The following ASIC1 variants were observed in gnomAD, a reference collection of about 807,000 sequenced individuals.
The protein encoded by ASIC1 is acid-sensing ion channel 1.
A neutral mutation model predicts 63.4 loss-of-function variants in ASIC1; 21 were observed. The ratio of observed to expected loss-of-function variants is 0.33; its 90% CI spans 0.23 to 0.48. The LOEUF (loss-of-function observed/expected upper bound fraction) is 0.48, where lower values mean the gene tolerates loss of function less well. ASIC1 is among the 20% of genes least tolerant of loss of function. The pLI, the probability that ASIC1 is intolerant of heterozygous loss-of-function variation, is 0.99. For synonymous variants in ASIC1, 258 were observed against 278.2 expected, an observed-to-expected ratio of 0.93 and a Z score of 0.72; for missense variants, 478 against 695.5, an observed-to-expected ratio of 0.69 and a Z score of 3.52.
chr12:50,067,647 G>A (rs1273623388), intron 3 of ASIC1, among the ~76,000 whole-genome samples: 1 of 152,114 alleles, frequency 6.6e-6, no homozygotes, highest in Non-Finnish European at 1.5e-5. Flanking sequence ...TTGAGCTCCC[G>A]ACCTCAGGTG....
At position 50,058,792 on chromosome 12, in the gene ASIC1, A is replaced by C; in HGVS notation, c.26A>C (p.Glu9Ala). The C allele has an allele frequency of 6.3e-7, 1 of 1,591,654 alleles. No individual in the cohort carries two copies. Among genetic ancestry groups the C allele is most frequent in the Non-Finnish European group, 8.6e-7 (1 of 1,165,474 alleles). Residue 9 changes from glutamate (E) to alanine (A), a missense_variant, in exon 2 of 12, where the codon GAG becomes GCG. By Grantham distance (107) the Glu-to-Ala change is moderately radical (BLOSUM62 -1). Around this residue, in one of 3 missense-constraint regions of ASIC1, gnomAD observed 290 missense variants for 414.9 expected, o/e 0.70. Transcript: ENST00000447966. MELKAEEE[E>A]VGGVQPVSIQ... is the part of the protein sequence containing the mutation. ...ATGGAACTGAAGGCCGAGGAGGAGG[A>C]GGTGGGTGGCGTCCAGCCGGTGAGC... is the stretch of plus-strand genomic sequence containing the variant.
At chr12:50,071,945 G>T (rs1054674041) in intron 3 of ASIC1, among the ~76,000 whole-genome samples, 1 of 152,114 alleles carries the variant, frequency 6.6e-6, no homozygotes, top group African/African-American at 2.4e-5. Flanking sequence ...GGCAGAAAGA[G>T]GAGGACAGTG....
intron 3 of ASIC1, among the ~76,000 whole-genome samples, chr12:50,075,281 C>A (rs1212984416): frequency 6.6e-6 from 1 of 152,184 alleles, no homozygotes; most frequent in Non-Finnish European, 1.5e-5. Context: ...CACTGGGCCT[C>A]AGGCCAGGAG....
At position 50,059,768 on chromosome 12, in the gene ASIC1, A is replaced by T; in HGVS notation, c.372A>T (p.Ile124=). 1 of 1,613,380 alleles carries T rather than the reference A, an allele frequency of 6.2e-7. No homozygotes were observed. Among genetic ancestry groups the T allele is most frequent in the Non-Finnish European group, 8.5e-7 (1 of 1,179,628 alleles). ...CACCCCCGGACCCCAGGTATGAGAT[A>T]CCAGACACACAGATGGCAGATGAAA... is the stretch of plus-strand genomic sequence containing the variant. The part of the protein sequence containing the change: ...LLALLNNRYE[I]PDTQMADEKQ... The change falls in exon 3 of 12, where the codon ATA becomes ATT. Residue 124 remains isoleucine, a synonymous_variant. Transcript: ENST00000447966. The surrounding 1 kb of genome is among the most constrained non-coding windows in gnomAD (Gnocchi z 4.6).
At chr12:50,065,162 G>T (rs1347760045) in intron 3 of ASIC1, among the ~76,000 whole-genome samples, 1 of 152,128 alleles carries the variant, frequency 6.6e-6, no homozygotes, top group Non-Finnish European at 1.5e-5. Flanking sequence ...CTTCCGCCTT[G>T]GCCAACCCCT....
At position 50,078,082 on chromosome 12, in the gene ASIC1, C is replaced by T. The variant is rs149923094; in HGVS notation, c.792C>T (p.Gly264=). ...EPPFIDQLGF[G]VAPGFQTFVA... is the part of the protein sequence containing the mutation. ...CTTTCATCGACCAGCTGGGCTTTGG[C>T]GTGGCCCCAGGCTTCCAGACCTTTG... is the stretch of plus-strand genomic sequence containing the variant. The change falls in exon 5 of 12, where the codon GGC becomes GGT. Residue 264 remains glycine, a synonymous_variant. Transcript: ENST00000447966. The surrounding 1 kb of genome is among the most constrained non-coding windows in gnomAD (Gnocchi z 6.0). The T allele has an allele frequency of 4.1e-4, 667 of 1,613,992 alleles. 10 individuals are homozygous for T. The East Asian group carries it at 0.014, about 33-fold the overall frequency.
intron 3 of ASIC1, among the ~76,000 whole-genome samples, chr12:50,064,162 T>G (rs1287408128): frequency 6.6e-6 from 1 of 152,096 alleles, no homozygotes; most frequent in African/African-American, 2.4e-5. Flanking sequence ...TTCATGGGGT[T>G]CATGAACTTT....
At position 50,059,830 on chromosome 12, in the gene ASIC1, G is replaced by A. The variant is rs756015565; in HGVS notation, c.434G>A (p.Arg145His). ...LEILQDKANFRSFKPKPFNMR... is the reference protein window; with the variant it reads ...LEILQDKANFHSFKPKPFNMR... ...ATACTGCAGGACAAAGCCAACTTCC[G>A]CAGCTTCAAACCCAAACCCTTCAAC... The change falls in exon 3 of 12, where the codon CGC becomes CAC. Residue 145 changes from arginine (R) to histidine (H), a missense_variant. Physicochemically the swap from Arg to His is conservative, Grantham distance 29. Around this residue, in one of 3 missense-constraint regions of ASIC1, gnomAD observed 290 missense variants for 414.9 expected, o/e 0.70. Transcript: ENST00000447966. The surrounding 1 kb of genome is among the most constrained non-coding windows in gnomAD (Gnocchi z 4.6). The A allele has an allele frequency of 1.4e-5, 22 of 1,614,028 alleles. No homozygotes were observed. The highest frequency in any genetic ancestry group is 1.6e-4 in the Middle Eastern group (1 of 6,084).
Position 50,059,945 on chromosome 12 carries a change from C to G in ASIC1, c.549C>G (p.Asp183Glu), listed in dbSNP as rs757432064. The change falls in exon 3 of 12, where the codon GAC (aspartate) becomes GAG (glutamate). Residue 183 changes from aspartate to glutamate, a missense_variant. By Grantham distance (45) the Asp-to-Glu change is conservative (BLOSUM62 2). Transcript: ENST00000447966. This position sits in a 1 kb window ranked among gnomAD's most constrained non-coding sequence, Gnocchi z 4.6. Reference protein sequence around the residue: ...HFRGEVCSAEDFKVVFTRYGK... With the variant: ...HFRGEVCSAEEFKVVFTRYGK... The stretch of plus-strand genomic sequence containing the variant: ...GGGGGGAGGTCTGCAGCGCTGAAGA[C>G]TTCAAGGTGGTGAGTCCCCTCGTGT... The G allele has an allele frequency of 6.2e-7, 1 of 1,613,776 alleles. No individual in the cohort carries two copies. Among genetic ancestry groups the G allele is most frequent in the Non-Finnish European group, 8.5e-7 (1 of 1,179,946 alleles).
intron 8 of ASIC1, 144 bp downstream of exon 8, chr12:50,080,199 G>C (rs892288947): frequency 8.3e-7 from 1 of 1,201,686 alleles, no homozygotes; most frequent in Non-Finnish European, 1.1e-6. Context: ...AAGAGTCTAG[G>C]GTGGGTATGC....
chr12:50,079,896 G>A lies in ASIC1; in HGVS notation c.1052-6G>A. 6.3e-7 allele frequency: 1 copy of A among 1,599,100 alleles called. No homozygotes were observed. The highest frequency in any genetic ancestry group is 8.5e-7 in the Non-Finnish European group (1 of 1,172,260). On this transcript the variant is annotated splice_polypyrimidine_tract_variant and splice_region_variant and intron_variant, in intron 7 of 11. Transcript: ENST00000447966. ...CAACTGAGACCTCTCACCTGGCTGA[G>A]TGCAGACTTCCTGGTGGAGAAGGAC...
intron 3 of ASIC1, among the ~76,000 whole-genome samples, chr12:50,076,432 A>C (rs1313399370): frequency 2.0e-5 from 3 of 150,958 alleles, no homozygotes. Context: ...GCACCACTGC[A>C]CTCCAGCCTG....
rs979873530 is a variant in ASIC1 at position 50,059,241 on chromosome 12, A to C, written c.362+113A>C. ...CCCAGCCAACCCTGCCCTTTAACCC[A>C]CCCCCACCCCCAAACCTGCCACTCA... On this transcript the variant is annotated intron_variant, in intron 2 of 11. Coordinates refer to ENST00000447966, the MANE Select transcript of ASIC1 (RefSeq NM_001095.4). This position sits in a 1 kb window ranked among gnomAD's most constrained non-coding sequence, Gnocchi z 4.6. 616 of 1,341,720 alleles carry C rather than the reference A, an allele frequency of 4.6e-4. No homozygotes were observed. The highest frequency in any genetic ancestry group is 1.6e-3 in the African/African-American group (89 of 57,286). 83.1% of individuals were successfully genotyped at this position (1,341,720 alleles called of 1,614,324 possible).
At chr12:50,067,959 T>C (rs1950562078) in intron 3 of ASIC1, among the ~76,000 whole-genome samples, 1 of 152,216 alleles carries the variant, frequency 6.6e-6, no homozygotes, top group Admixed American at 6.5e-5. Context: ...ATTTTGCATA[T>C]TGCATTGGTA....
intron 9 of ASIC1, 74 bp downstream of exon 9, chr12:50,080,663 G>C: frequency 1.2e-6 from 2 of 1,613,840 alleles, no homozygotes; most frequent in Non-Finnish European, 1.7e-6. Context: ...CAAAAGCAGG[G>C]TGCTCACTTC....
rs1046054874 is a variant in ASIC1, at chr12:50,074,929, C to G, written c.559-2284C>G. Among the ~76,000 whole-genome samples the G allele has an allele frequency of 4.0e-5, 6 of 150,546 alleles. No individual in the cohort carries two copies. Among genetic ancestry groups the G allele is most frequent in the Non-Finnish European group, 5.9e-5 (4 of 67,786 alleles). On this transcript the variant is annotated intron_variant, in intron 3 of 11. Coordinates refer to ENST00000447966, the MANE Select transcript of ASIC1 (RefSeq NM_001095.4). This position sits in a 1 kb window ranked among gnomAD's most constrained non-coding sequence, Gnocchi z 4.2. ...GTGTCTGAGGGTAAATAACAGGTCT[C>G]TAAATCATATCCCTCTCCCCAGCTT...
Position 50,059,666 on chromosome 12 carries a change from TC to T in ASIC1, c.363-89del. On this transcript the variant is annotated intron_variant, in intron 2 of 11. Transcript: ENST00000447966. This position sits in a 1 kb window ranked among gnomAD's most constrained non-coding sequence, Gnocchi z 4.6. ...CTTCCTTGCCTACACCTGGGACTGA[TC>T]CCCAGGGCTGGAGGCTGCCCCCATC... 7.6e-7 allele frequency: 1 copy of T among 1,315,398 alleles called. No individual in the cohort carries two copies. Among genetic ancestry groups the T allele is most frequent in the Non-Finnish European group, 1.1e-6 (1 of 949,806 alleles). The allele number at this position is 1,315,398 out of a possible 1,614,324, so 81.5% of individuals were successfully genotyped here.
intron 3 of ASIC1, among the ~76,000 whole-genome samples, chr12:50,067,621 G>T (rs1479124281): frequency 6.6e-6 from 1 of 152,156 alleles, no homozygotes; most frequent in African/African-American, 2.4e-5. Context: ...TTTTCTCCAT[G>T]TTGGTCAGGC....
chr12:50,079,218 C>G (rs1198165127), intron 7 of ASIC1, among the ~76,000 whole-genome samples: 1 of 151,976 alleles, frequency 6.6e-6, no homozygotes, highest in Non-Finnish European at 1.5e-5. Flanking sequence ...TCGAGACCAG[C>G]CTGGTTTCAT....
Sources: allele counts gnomAD v4.1 joint callset (sites outside exome capture counted in the v4.1 genomes callset), GRCh38; gene constraint gnomAD v4.1.1; regional missense constraint gnomAD v4.1.1; non-coding constraint Gnocchi (gnomAD v3.1); transcripts MANE v1.5; gene names NCBI Gene and HGNC (gene_info 2026-07-23, HGNC 2026-07-21).